Variants in BBS9 observed in about 807,000 individuals in gnomAD.
BBS9 encodes Bardet-Biedl syndrome 9, also known as protein PTHB1.
In BBS9, 89 loss-of-function variants were observed where a neutral mutation model predicts 117.7. The observed-to-expected ratio is 0.76, with a 90% CI of 0.64 to 0.90. BBS9 has a LOEUF of 0.90. BBS9 is among the 40% of genes least tolerant of loss of function. The pLI is 0.00. For missense variants in BBS9, 982 were observed against 1,042.2 expected (o/e 0.94, Z 0.80); for synonymous variants, 379 against 370.9 (o/e 1.02, Z -0.25).
chr7:33,551,536 C>T (rs1437661627), intron 21 of BBS9, among the ~76,000 whole-genome samples: 2 of 152,076 alleles, frequency 1.3e-5, no homozygotes, highest in African/African-American at 4.8e-5. Flanking sequence ...TACATTATTT[C>T]CATTGAAAAA....
At chr7:33,529,688 C>T (rs1850267002) in intron 20 of BBS9, among the ~76,000 whole-genome samples, 1 of 151,564 alleles carries the variant, frequency 6.6e-6, no homozygotes, top group South Asian at 2.1e-4. Flanking sequence ...ATACACAGGT[C>T]AACCTGGAAT....
intron 5 of BBS9, among the ~76,000 whole-genome samples, chr7:33,207,022 C>T (rs1468904011): frequency 6.6e-6 from 1 of 151,998 alleles, no homozygotes; most frequent in Non-Finnish European, 1.5e-5. Flanking sequence ...CAAGATTATA[C>T]ATTGTTGTCC....
chr7:33,420,864 C>T (rs1190311282), intron 19 of BBS9, among the ~76,000 whole-genome samples: 1 of 152,160 alleles, frequency 6.6e-6, no homozygotes, highest in Non-Finnish European at 1.5e-5. Flanking sequence ...GTTTGCAACT[C>T]CCAAGACATT....
At chr7:33,248,441 C>T (rs1307496211) in intron 5 of BBS9, among the ~76,000 whole-genome samples, 1 of 151,934 alleles carries the variant, frequency 6.6e-6, no homozygotes, top group Non-Finnish European at 1.5e-5. Context: ...ATCTAATTAC[C>T]AATTATTAGT....
chr7:33,309,365 G>A (rs562489598), intron 9 of BBS9, among the ~76,000 whole-genome samples: 2 of 147,224 alleles, frequency 1.4e-5, no homozygotes, highest in South Asian at 2.1e-4. Context: ...ATTATAACAC[G>A]TTTGACTGGT....
chr7:33,219,670 A>G (rs1789832877), intron 5 of BBS9, among the ~76,000 whole-genome samples: 1 of 152,038 alleles, frequency 6.6e-6, no homozygotes, highest in Non-Finnish European at 1.5e-5. Flanking sequence ...GGACATGGAG[A>G]ACCTTTGTGT....
At chr7:33,542,325 C>T (rs1268068347) in intron 21 of BBS9, among the ~76,000 whole-genome samples, 2 of 152,164 alleles carry the variant, frequency 1.3e-5, no homozygotes. Context: ...CCTCGTGATC[C>T]ACCCACCTCG....
intron 5 of BBS9, among the ~76,000 whole-genome samples, chr7:33,194,813 A>C (rs188129453): frequency 3.3e-5 from 5 of 152,160 alleles, no homozygotes. Flanking sequence ...GAGTTTGATT[A>C]TCTAGCAGGA....
intron 5 of BBS9, among the ~76,000 whole-genome samples, chr7:33,236,160 C>T (rs1253222733): frequency 6.6e-6 from 1 of 151,716 alleles, no homozygotes; most frequent in Non-Finnish European, 1.5e-5. Flanking sequence ...AACCCCATCT[C>T]TACTAAAAAT....
At chr7:33,489,107 C>T (rs1843537181) in intron 19 of BBS9, among the ~76,000 whole-genome samples, 1 of 151,240 alleles carries the variant, frequency 6.6e-6, no homozygotes, top group Non-Finnish European at 1.5e-5. Context: ...ATTCTCCTGC[C>T]TCAGCCTCCC....
At chr7:33,417,762 T>C (rs1291021640) in intron 19 of BBS9, among the ~76,000 whole-genome samples, 2 of 152,216 alleles carry the variant, frequency 1.3e-5, no homozygotes, top group African/African-American at 4.8e-5. Flanking sequence ...TACCATTTTC[T>C]CTATCAAATG....
intron 6 of BBS9, among the ~76,000 whole-genome samples, chr7:33,262,895 A>G (rs1798188902): frequency 6.6e-6 from 1 of 152,170 alleles, no homozygotes; most frequent in Admixed American, 6.5e-5. Flanking sequence ...ATTACTTGTT[A>G]CTATTGGTAC....
At chr7:33,361,118 T>G (rs914803660) in intron 16 of BBS9, among the ~76,000 whole-genome samples, 3 of 152,170 alleles carry the variant, frequency 2.0e-5, no homozygotes, top group African/African-American at 7.2e-5. Context: ...TAGGTTTCAA[T>G]AGCCATAATT....
At chr7:33,386,916 T>C (rs1289304521) in intron 18 of BBS9, among the ~76,000 whole-genome samples, 1 of 152,220 alleles carries the variant, frequency 6.6e-6, no homozygotes, top group Non-Finnish European at 1.5e-5. Flanking sequence ...CAGTTTCTTG[T>C]ATATCTTTCT....
chr7:33,603,669 TCTC>T (rs1458444203), intron 21 of BBS9, among the ~76,000 whole-genome samples: 1 of 152,148 alleles, frequency 6.6e-6, no homozygotes, highest in Non-Finnish European at 1.5e-5. Context: ...TAAGCCTGGT[TCTC>T]CTTCTGGGTA....
chr7:33,520,085 C>T (rs911684974), intron 20 of BBS9, among the ~76,000 whole-genome samples: 2 of 151,516 alleles, frequency 1.3e-5, no homozygotes, highest in African/African-American at 2.4e-5. Context: ...CTCAGCTCAC[C>T]GCAACCTCCG....
intron 19 of BBS9, among the ~76,000 whole-genome samples, chr7:33,388,495 T>C (rs888588362): frequency 1.3e-5 from 2 of 152,244 alleles, no homozygotes; most frequent in Admixed American, 6.5e-5. Flanking sequence ...ATGAGACAAT[T>C]CTTGGTGCAT....
Position 33,388,043 on chromosome 7 carries a change from C to A in BBS9, c.2014C>A (p.Gln672Lys). 2 of 1,614,080 alleles carry A rather than the reference C, an allele frequency of 1.2e-6. No homozygotes were observed. Among genetic ancestry groups the A allele is most frequent in the Non-Finnish European group, 1.7e-6 (2 of 1,179,984 alleles). Residue 672 changes from glutamine (Q) to lysine (K), a missense_variant, in exon 19 of 23, where the codon CAA (glutamine) becomes AAA (lysine). By Grantham distance (53) the Gln-to-Lys change is moderately conservative (BLOSUM62 1). Coordinates refer to ENST00000242067, the MANE Select transcript of BBS9 (RefSeq NM_198428.3). ...AGAACTCTTATCTGAGAGAGCTGTACAATTTCGGGCCATTCAACGCCGGCT... is the reference window on the plus strand; with the variant it reads ...AGAACTCTTATCTGAGAGAGCTGTAAAATTTCGGGCCATTCAACGCCGGCT... ...LEELLSERAV[Q>K]FRAIQRRLLA...
chr7:33,581,239 A>T (rs916927415), intron 21 of BBS9, among the ~76,000 whole-genome samples: 3 of 152,162 alleles, frequency 2.0e-5, no homozygotes, highest in Non-Finnish European at 2.9e-5. Flanking sequence ...TGTTTCAAAA[A>T]TAAGTAGTTT....
Sources: gnomAD v4.1 joint callset for allele counts (sites outside exome capture counted in the v4.1 genomes callset) on GRCh38, gnomAD v4.1.1 for gene constraint, MANE v1.5 for transcripts, NCBI Gene and HGNC (gene_info 2026-07-23, HGNC 2026-07-21) for gene names.